The following LIX1 variants were observed in gnomAD, a reference collection of about 807,000 sequenced individuals.
LIX1 encodes limb and CNS expressed 1.
Under a neutral mutation model 33.4 loss-of-function variants are expected in LIX1, and 24 were observed. The observed-to-expected ratio is 0.72, with a 90% confidence interval of 0.52 to 1.01. The LOEUF (loss-of-function observed/expected upper bound fraction) is 1.01, where lower values mean the gene tolerates loss of function less well. Among genes scored for constraint, LIX1 ranks in the 50% least tolerant of loss-of-function variants. The pLI is 0.00. For missense variants in LIX1, 311 were observed against 339.2 expected (o/e 0.92, Z 0.65); for synonymous variants, 124 against 124.0 (o/e 1.00, Z 0.00).
chr5:97,103,744 T>C (rs142095797), intron 4 of LIX1, among the ~76,000 whole-genome samples: 44 of 152,220 alleles, frequency 2.9e-4, no homozygotes, highest in African/African-American at 8.2e-4. Context: ...GGCGGGCAGA[T>C]CACGAGGTCA....
At chr5:97,103,372 G>A (rs1429873860) in intron 4 of LIX1, among the ~76,000 whole-genome samples, 1 of 152,172 alleles carries the variant, frequency 6.6e-6, no homozygotes, top group East Asian at 1.9e-4. Flanking sequence ...CATCTTCACT[G>A]AGCATTCATT....
At chr5:97,106,919 G>GCC (rs1747070933) in intron 3 of LIX1, among the ~76,000 whole-genome samples, 3 of 152,140 alleles carry the variant, frequency 2.0e-5, no homozygotes. Context: ...AGATTGCAGG[G>GCC]CCCCACACTG....
chr5:97,112,344 G>A (rs1747443697), intron 2 of LIX1, among the ~76,000 whole-genome samples: 1 of 152,176 alleles, frequency 6.6e-6, no homozygotes. Context: ...ATAAAATATG[G>A]TAAGTGACAG....
chr5:97,117,596 G>A (rs1333602175), intron 2 of LIX1, among the ~76,000 whole-genome samples: 5 of 152,094 alleles, frequency 3.3e-5, no homozygotes, highest in Non-Finnish European at 5.9e-5. Flanking sequence ...CTCATTTAAC[G>A]CATGGAAGTA....
At position 97,095,103 on chromosome 5, in the gene LIX1, C is replaced by A. The variant is rs1042240447; in HGVS notation, c.562-68G>T. The A allele has an allele frequency of 7.8e-6, 11 of 1,401,988 alleles. No individual in the cohort carries two copies. The African/African-American group carries it at 1.0e-4, about 13-fold the overall frequency. The allele number at this position is 1,401,988 out of a possible 1,614,324, so 86.8% of individuals were successfully genotyped here. A position where few individuals can be genotyped will look rare whatever the true frequency, so the allele number is the denominator to read the frequency against. On this transcript the variant is annotated intron_variant, in intron 5 of 5. Coordinates refer to ENST00000274382, the MANE Select transcript of LIX1 (RefSeq NM_153234.5). ...ACAAAGGCACCCGTCCACATGCCTC[C>A]CCCTGCTTCCCACATCCATTAGGGT...
intron 4 of LIX1, among the ~76,000 whole-genome samples, chr5:97,100,464 C>A (rs1251973890): frequency 6.6e-6 from 1 of 152,144 alleles, no homozygotes; most frequent in African/African-American, 2.4e-5. Context: ...TAGTTTTTGT[C>A]CTCTGTAGAG....
At position 97,106,938 on chromosome 5, in the gene LIX1, A is replaced by G. The variant is rs552674255; in HGVS notation, c.387+422T>C. Among the ~76,000 whole-genome samples, 6 of 152,326 alleles carry G rather than the reference A, an allele frequency of 3.9e-5. No individual in the cohort carries two copies. In the East Asian group the frequency reaches 1.2e-3, roughly 29 times the overall value. On this transcript the variant is annotated intron_variant, in intron 3 of 5. Transcript: ENST00000274382. ...TGCAGGGCCCCACACTGGCTGGGGAATTCGCACTTCCAGTAAACACTTCAG... is the reference window on the plus strand; with the variant it reads ...TGCAGGGCCCCACACTGGCTGGGGAGTTCGCACTTCCAGTAAACACTTCAG...
At position 97,112,846 on chromosome 5, in the gene LIX1, C is replaced by T. The variant is rs1316833079; in HGVS notation, c.247-5346G>A. ...GTGACTGTGGCATTGCTCAGGAAAGCTATTCAAAGGCAGTGGTAGCCAGTT... is the reference window on the plus strand; with the variant it reads ...GTGACTGTGGCATTGCTCAGGAAAGTTATTCAAAGGCAGTGGTAGCCAGTT... On this transcript the variant is annotated intron_variant, in intron 2 of 5. Coordinates refer to ENST00000274382, the MANE Select transcript of LIX1 (RefSeq NM_153234.5). 2.0e-5 allele frequency among the ~76,000 whole-genome samples: 3 copies of T among 150,160 alleles called. No individual in the cohort carries two copies. The South Asian group carries it at 6.3e-4, about 32-fold the overall frequency.
intron 1 of LIX1, among the ~76,000 whole-genome samples, chr5:97,130,976 T>A (rs1429488513): frequency 6.6e-6 from 1 of 152,250 alleles, no homozygotes; most frequent in African/African-American, 2.4e-5. Flanking sequence ...TCTTCTTCAC[T>A]GTATTTTGAA....
At chr5:97,135,244 G>A (rs1197596923) in intron 1 of LIX1, among the ~76,000 whole-genome samples, 3 of 152,192 alleles carry the variant, frequency 2.0e-5, no homozygotes, top group Admixed American at 6.5e-5. Context: ...CTTATTTTAT[G>A]TATATTTGGA....
chr5:97,104,147 C>T (rs1746888618), intron 4 of LIX1, among the ~76,000 whole-genome samples: 1 of 151,976 alleles, frequency 6.6e-6, no homozygotes, highest in Non-Finnish European at 1.5e-5. Context: ...TTGAAAGGTA[C>T]CAAAGAAGGT....
intron 4 of LIX1, among the ~76,000 whole-genome samples, chr5:97,104,903 T>C (rs1746930824): frequency 6.6e-6 from 1 of 152,200 alleles, no homozygotes; most frequent in South Asian, 2.1e-4. Context: ...GGGAGCTTTG[T>C]ACTGAAAAGC....
intron 4 of LIX1, among the ~76,000 whole-genome samples, chr5:97,099,446 C>T (rs1409298772): frequency 6.6e-6 from 1 of 152,104 alleles, no homozygotes; most frequent in Non-Finnish European, 1.5e-5. Context: ...AACAGGAGGG[C>T]CAATATTTGT....
At chr5:97,113,644 C>G (rs546574610) in intron 2 of LIX1, among the ~76,000 whole-genome samples, 50 of 152,130 alleles carry the variant, frequency 3.3e-4, no homozygotes, top group Non-Finnish European at 5.7e-4. Context: ...TTGTTTTGTT[C>G]TCTGGTCTGT....
chr5:97,130,450 A>T (rs1748030232), intron 1 of LIX1, among the ~76,000 whole-genome samples: 1 of 152,238 alleles, frequency 6.6e-6, no homozygotes, highest in African/African-American at 2.4e-5. Flanking sequence ...AATCAGCCAT[A>T]CAGCGAATCT....
At chr5:97,123,270 CTT>C (rs979080461) in intron 2 of LIX1, among the ~76,000 whole-genome samples, 1 of 151,626 alleles carries the variant, frequency 6.6e-6, no homozygotes. Context: ...TCAGATCTTA[CTT>C]TTTTTTTGGA....
intron 1 of LIX1, among the ~76,000 whole-genome samples, chr5:97,133,955 C>T (rs1372309627): frequency 6.6e-6 from 1 of 152,054 alleles, no homozygotes; most frequent in African/African-American, 2.4e-5. Flanking sequence ...AAAAAGGGAT[C>T]TTAAAAATCC....
At chr5:97,114,583 T>C (rs779850926) in intron 2 of LIX1, among the ~76,000 whole-genome samples, 2 of 152,162 alleles carry the variant, frequency 1.3e-5, no homozygotes, top group Non-Finnish European at 2.9e-5. Flanking sequence ...GTTAAACATG[T>C]GTATTCCTGC....
chr5:97,141,881 T>G (rs1212450836), intron 1 of LIX1, among the ~76,000 whole-genome samples: 1 of 152,174 alleles, frequency 6.6e-6, no homozygotes, highest in Non-Finnish European at 1.5e-5. Flanking sequence ...AAAAAAAAGA[T>G]TTTGAAATAA....
Sources: gnomAD v4.1 joint callset for allele counts (sites outside exome capture counted in the v4.1 genomes callset) on GRCh38, gnomAD v4.1.1 for gene constraint, MANE v1.5 for transcripts, NCBI Gene and HGNC (gene_info 2026-07-23, HGNC 2026-07-21) for gene names.